The following SLC13A4 variants were observed in gnomAD, a reference collection of about 807,000 sequenced individuals.
SLC13A4 encodes solute carrier family 13 member 4.
A neutral mutation model predicts 72.7 loss-of-function variants in SLC13A4; 28 were observed. The observed-to-expected ratio is 0.39, with a 90% confidence interval of 0.29 to 0.53. SLC13A4 has a LOEUF of 0.53. Among genes scored for constraint, SLC13A4 ranks in the 20% least tolerant of loss-of-function variants. The pLI is 0.78. For synonymous variants in SLC13A4, 312 were observed against 325.5 expected (o/e 0.96, Z 0.45); for missense variants, 653 against 788.0 (o/e 0.83, Z 2.05).
At chr7:135,723,805 C>T (rs796987766) in intron 1 of SLC13A4, among the ~76,000 whole-genome samples, 2 of 152,118 alleles carry the variant, frequency 1.3e-5, no homozygotes, top group South Asian at 2.1e-4. Flanking sequence ...GGGAACTGGG[C>T]CCAAAAGTTG....
At chr7:135,685,727 C>T (rs1795607946) in intron 13 of SLC13A4, 44 bp from the exon 14 acceptor site, 3 of 1,554,342 alleles carry the variant, frequency 1.9e-6, no homozygotes, top group African/African-American at 2.7e-5. Flanking sequence ...AGAAGAAGCA[C>T]ATCCCAGCTA....
intron 8 of SLC13A4, among the ~76,000 whole-genome samples, chr7:135,696,119 G>A (rs916535722): frequency 1.3e-5 from 2 of 152,120 alleles, no homozygotes; most frequent in Non-Finnish European, 2.9e-5. Flanking sequence ...GAGAGCTGTG[G>A]CTTTTGCCTA....
chr7:135,681,373 A>G lies in SLC13A4; in HGVS notation c.*190T>C. The G allele has an allele frequency of 1.8e-6, 1 of 556,622 alleles. No homozygotes were observed. The highest frequency in any genetic ancestry group is 3.0e-6 in the Non-Finnish European group (1 of 333,682). The allele number at this position is 556,622 out of a possible 1,614,324, so 34.5% of individuals were successfully genotyped here. A position where few individuals can be genotyped will look rare whatever the true frequency, so the allele number is the denominator to read the frequency against. The stretch of plus-strand genomic sequence containing the variant: ...AGGAAGAAGACACTAACAGCGAAGC[A>G]TGTGTTTGTGGTTGTTGGAGGATTC... On this transcript the variant is annotated 3_prime_UTR_variant, in exon 16 of 16. Transcript: ENST00000682651.
At chr7:135,711,749 T>G (rs1422357070) in intron 2 of SLC13A4, among the ~76,000 whole-genome samples, 1 of 151,780 alleles carries the variant, frequency 6.6e-6, no homozygotes, top group Non-Finnish European at 1.5e-5. Flanking sequence ...TTTCTTGTCG[T>G]GTTTTTGTTT....
chr7:135,687,537 C>T (rs1280267897), intron 13 of SLC13A4, among the ~76,000 whole-genome samples: 1 of 152,246 alleles, frequency 6.6e-6, no homozygotes, highest in Non-Finnish European at 1.5e-5. Context: ...GTTGTAGCCA[C>T]TTCACCTTGT....
chr7:135,721,111 A>T (rs1234433485), intron 2 of SLC13A4, among the ~76,000 whole-genome samples: 1 of 152,226 alleles, frequency 6.6e-6, no homozygotes, highest in Non-Finnish European at 1.5e-5. Context: ...CACAGCTCCT[A>T]AAAGGCTTCA....
intron 13 of SLC13A4, 105 bp from the exon 14 acceptor site, chr7:135,685,788 G>C: frequency 1.0e-6 from 1 of 1,000,194 alleles, no homozygotes; most frequent in African/African-American, 1.6e-5. Flanking sequence ...GGACGACCAG[G>C]GATCCTCTGA....
chr7:135,723,788 G>A (rs1238947808), intron 1 of SLC13A4, among the ~76,000 whole-genome samples: 1 of 152,158 alleles, frequency 6.6e-6, no homozygotes, highest in Non-Finnish European at 1.5e-5. Flanking sequence ...ATTGGGGTTT[G>A]AGAAATGGGA....
intron 8 of SLC13A4, among the ~76,000 whole-genome samples, chr7:135,697,586 C>CTT (rs796453706): frequency 1.0e-4 from 14 of 135,450 alleles, no homozygotes; most frequent in South Asian, 2.4e-4. Context: ...ATCTGTTCTC[C>CTT]TTTTTTTTTT....
At chr7:135,713,974 C>G (rs1796361287) in intron 2 of SLC13A4, among the ~76,000 whole-genome samples, 1 of 152,184 alleles carries the variant, frequency 6.6e-6, no homozygotes, top group South Asian at 2.1e-4. Context: ...AGGGCTGAAG[C>G]CCCACAGGAC....
chr7:135,694,374 C>T, intron 9 of SLC13A4, 136 bp from the exon 10 acceptor site: 1 of 607,056 alleles, frequency 1.6e-6, no homozygotes, highest in Non-Finnish European at 2.9e-6. Flanking sequence ...CCCTCTATCC[C>T]CCACCTATTC....
At chr7:135,691,926 T>G in intron 11 of SLC13A4, 2 of 426,548 alleles carry the variant, frequency 4.7e-6, no homozygotes, top group Non-Finnish European at 4.2e-6. Flanking sequence ...AGGAGTGGAG[T>G]TGGTTAGATA....
chr7:135,716,913 C>A (rs1227902803), intron 2 of SLC13A4, among the ~76,000 whole-genome samples: 1 of 152,212 alleles, frequency 6.6e-6, no homozygotes, highest in Admixed American at 6.5e-5. Context: ...CTGATGGTGA[C>A]TCATGCTGAG....
intron 2 of SLC13A4, among the ~76,000 whole-genome samples, chr7:135,712,389 T>C (rs1268005584): frequency 6.7e-6 from 1 of 150,036 alleles, no homozygotes; most frequent in Non-Finnish European, 1.5e-5. Context: ...GGGAGGACTC[T>C]GGAGTCAGCC....
At position 135,727,549 on chromosome 7, in the gene SLC13A4, G is replaced by A. The variant is rs758920992; in HGVS notation, c.-53C>T. On this transcript the variant is annotated 5_prime_UTR_variant, in exon 1 of 16. Coordinates refer to ENST00000682651, the MANE Select transcript of SLC13A4 (RefSeq NM_001318192.2). ...TTGGACCCCGCTCTGCCGGCGAAAG[G>A]CTTCCTGCCTGGGCACTGCTCTCTA... 70 of 1,520,140 alleles carry A rather than the reference G, an allele frequency of 4.6e-5. No individual in the cohort carries two copies. Among genetic ancestry groups the A allele is most frequent in the Middle Eastern group, 1.7e-4 (1 of 5,904 alleles). The allele number at this position is 1,520,140 out of a possible 1,614,324, so 94.2% of individuals were successfully genotyped here. A position where few individuals can be genotyped will look rare whatever the true frequency, so the allele number is the denominator to read the frequency against.
At chr7:135,709,841 C>G (rs1322083062) in intron 2 of SLC13A4, among the ~76,000 whole-genome samples, 1 of 152,188 alleles carries the variant, frequency 6.6e-6, no homozygotes, top group African/African-American at 2.4e-5. Flanking sequence ...TTCCGCACAC[C>G]ACAGAGCACT....
chr7:135,706,645 G>A (rs549686615), intron 3 of SLC13A4, among the ~76,000 whole-genome samples: 1 of 152,352 alleles, frequency 6.6e-6, no homozygotes, highest in East Asian at 1.9e-4. Flanking sequence ...GCTTGGCGGT[G>A]ATGTGTGTTT....
rs569695469 is a variant in SLC13A4, at chr7:135,708,081, G to T, written c.365+33C>A. On this transcript the variant is annotated intron_variant, in intron 3 of 15. Transcript: ENST00000682651. ...GTGGCACACTGGGAGCTAGAAGGAT[G>T]CCCTATGTCCTGGCATCCCAAATAA... 134 of 1,602,958 alleles carry T rather than the reference G, an allele frequency of 8.4e-5. 1 individual carries two copies. In the South Asian group the frequency reaches 9.9e-4, roughly 12 times the overall value.
intron 6 of SLC13A4, 32 bp downstream of exon 6, chr7:135,702,813 T>C (rs764023178): frequency 1.9e-6 from 3 of 1,601,698 alleles, no homozygotes; most frequent in Admixed American, 1.7e-5. Context: ...TTTCAAGTGA[T>C]TCCAAAGCAC....
Sources: allele counts gnomAD v4.1 joint callset (sites outside exome capture counted in the v4.1 genomes callset), GRCh38; gene constraint gnomAD v4.1.1; transcripts MANE v1.5; gene names NCBI Gene and HGNC (gene_info 2026-07-23, HGNC 2026-07-21).